STXBP3: variants seen among roughly 807,000 people sequenced by gnomAD.
STXBP3 encodes the protein syntaxin binding protein 3.
Under a neutral mutation model 85.7 loss-of-function variants are expected in STXBP3, and 41 were observed. The observed-to-expected ratio is 0.48, with a 90% CI of 0.37 to 0.62. STXBP3 has a LOEUF of 0.62. STXBP3 is among the 20% of genes least tolerant of loss of function. The probability of loss-of-function intolerance (pLI) is 0.00; values close to 1 mark genes in which losing one functional copy is unlikely to be tolerated. For missense variants in STXBP3, 563 were observed against 703.1 expected, an observed-to-expected ratio of 0.80 and a Z score of 2.25; for synonymous variants, 229 against 231.7, an observed-to-expected ratio of 0.99 and a Z score of 0.10.
intron 9 of STXBP3, 53 bp downstream of exon 9, chr1:108,779,463 T>C: frequency 6.6e-7 from 1 of 1,519,534 alleles, no homozygotes; most frequent in Non-Finnish European, 8.9e-7. Context: ...GGATAGAATA[T>C]GAGCATTTAA....
chr1:108,807,340 C>T, intron 17 of STXBP3, 61 bp from the exon 18 acceptor site: 1 of 1,518,016 alleles, frequency 6.6e-7, no homozygotes, highest in East Asian at 2.4e-5. Flanking sequence ...AGTCTACAAG[C>T]ATTATGGCTT....
chr1:108,778,915 C>G (rs1999522), intron 8 of STXBP3, among the ~76,000 whole-genome samples: 1 of 152,096 alleles, frequency 6.6e-6, no homozygotes, highest in Non-Finnish European at 1.5e-5. Context: ...CCTTCATACA[C>G]GCAGGTTTCA....
intron 1 of STXBP3, among the ~76,000 whole-genome samples, chr1:108,750,968 C>T (rs1156243349): frequency 1.3e-5 from 2 of 152,202 alleles, no homozygotes; most frequent in African/African-American, 4.8e-5. Flanking sequence ...AGCATAGGTG[C>T]TTCTATCCAC....
chr1:108,771,958 CTGTATCATATATAAATACATATGA>C (rs1662452226), intron 6 of STXBP3, among the ~76,000 whole-genome samples: 1 of 28,964 alleles, frequency 3.5e-5, no homozygotes, highest in Admixed American at 6.1e-4. Context: ...CATATGATAT[CTGTATCATATATAAATACATATGA>C]TATCTGTATC....
chr1:108,772,820 G>A lies in STXBP3; in HGVS notation c.593+1G>A, dbSNP rs148829120. The A allele has an allele frequency of 6.3e-6, 10 of 1,583,156 alleles. No individual in the cohort carries two copies. Among genetic ancestry groups the A allele is most frequent in the Non-Finnish European group, 7.7e-6 (9 of 1,162,484 alleles). ...AAAATCCCGGAGTAAGATATAAAAG[G>A]TAAGACACTGAGCATCTGCACATGT... On this transcript the variant is annotated splice_donor_variant, in intron 7 of 18. Coordinates refer to ENST00000370008, the MANE Select transcript of STXBP3 (RefSeq NM_007269.4). LOFTEE classifies it high-confidence loss of function.
chr1:108,759,208 A>C (rs930551786), intron 5 of STXBP3: 2 of 152,210 alleles, frequency 1.3e-5, no homozygotes, highest in Non-Finnish European at 2.9e-5. Context: ...CTGCTGTTAG[A>C]GATTCCTCAC....
At chr1:108,762,615 GA>G (rs1369011568) in intron 6 of STXBP3, among the ~76,000 whole-genome samples, 1 of 151,988 alleles carries the variant, frequency 6.6e-6, no homozygotes, top group Non-Finnish European at 1.5e-5. Context: ...CTTCCCATAG[GA>G]AGGGTGCCAA....
rs1379619851 is a variant in STXBP3 at position 108,809,431 on chromosome 1, C to G, written c.*554C>G. 4 of 152,436 alleles carry G rather than the reference C, an allele frequency of 2.6e-5. No individual in the cohort carries two copies. The South Asian group carries it at 8.3e-4, about 32-fold the overall frequency. The allele number at this position is 152,436 out of a possible 1,614,324, so 9.4% of individuals were successfully genotyped here. The stretch of plus-strand genomic sequence containing the variant: ...TTTTGCCACATACTTCTAAAGAACA[C>G]AATTTTATATAATTTTGAAATCATG... On this transcript the variant is annotated 3_prime_UTR_variant, in exon 19 of 19. Coordinates refer to ENST00000370008, the MANE Select transcript of STXBP3 (RefSeq NM_007269.4).
At chr1:108,780,595 C>T (rs1662696466) in intron 9 of STXBP3, 1 of 143,980 alleles carries the variant, frequency 6.9e-6, no homozygotes, top group Non-Finnish European at 1.5e-5. Flanking sequence ...TCTTGAACTC[C>T]TGACCTCAGG....
rs530644288 is a variant in STXBP3 at position 108,776,068 on chromosome 1, G to A, written c.594-265G>A. 1.1e-4 allele frequency among the ~76,000 whole-genome samples: 16 copies of A among 151,980 alleles called. No homozygotes were observed. In the South Asian group the frequency reaches 2.9e-3, roughly 28 times the overall value. On this transcript the variant is annotated intron_variant, in intron 7 of 18. Coordinates refer to ENST00000370008, the MANE Select transcript of STXBP3 (RefSeq NM_007269.4). ...ACCAGGACTTAGGAGTGGAATAAAA[G>A]GAACTGCAACTTTACATGTAATATT...
rs1359309101 is a variant in STXBP3, at chr1:108,809,280, CTG to C, written c.*405_*406del. ...ATAAAGAGATTGTAAAAGTAAAAAA[CTG>C]TAAATGTATATGTATGATAGAATTG... On this transcript the variant is annotated 3_prime_UTR_variant, in exon 19 of 19. Coordinates refer to ENST00000370008, the MANE Select transcript of STXBP3 (RefSeq NM_007269.4). 6.4e-6 allele frequency: 1 copy of C among 157,394 alleles called. No individual in the cohort carries two copies. Among genetic ancestry groups the C allele is most frequent in the East Asian group, 1.9e-4 (1 of 5,252 alleles). 9.7% of individuals were successfully genotyped at this position (157,394 alleles called of 1,614,324 possible).
At chr1:108,795,514 A>G (rs561547374) in intron 13 of STXBP3, among the ~76,000 whole-genome samples, 1 of 151,920 alleles carries the variant, frequency 6.6e-6, no homozygotes, top group Non-Finnish European at 1.5e-5. Flanking sequence ...GAAAAAAAAA[A>G]CTTTGACAAC....
rs748919000 is a variant in STXBP3 at position 108,779,272 on chromosome 1, T to C, written c.685-14T>C. ...ATTGAAGCTGCTTAAGATGATTTTA[T>C]CTTGTTATTCTAGGGTAAAACTCAT... On this transcript the variant is annotated splice_polypyrimidine_tract_variant and intron_variant, in intron 8 of 18. Transcript: ENST00000370008. 6.2e-7 allele frequency: 1 copy of C among 1,606,124 alleles called. No homozygotes were observed. The highest frequency in any genetic ancestry group is 1.1e-5 in the South Asian group (1 of 89,260).
Position 108,771,639 on chromosome 1 carries a change from A to G in STXBP3, c.439-1026A>G, listed in dbSNP as rs1454509140. Among the ~76,000 whole-genome samples the G allele has an allele frequency of 8.2e-5, 3 of 36,606 alleles. No homozygotes were observed. In the East Asian group the frequency reaches 1.3e-3, roughly 16 times the overall value. 24.0% of individuals were successfully genotyped at this position (36,606 alleles called of 152,430 possible). ...ATATATCTATATATCATATATAAAT[A>G]TATATGATATATATCTATATATATC... On this transcript the variant is annotated intron_variant, in intron 6 of 18. Coordinates refer to ENST00000370008, the MANE Select transcript of STXBP3 (RefSeq NM_007269.4).
chr1:108,795,678 A>G (rs1344920498), intron 13 of STXBP3, among the ~76,000 whole-genome samples: 1 of 152,134 alleles, frequency 6.6e-6, no homozygotes, highest in Non-Finnish European at 1.5e-5. Flanking sequence ...CAGTAGTCAT[A>G]TGTGGCTAGT....
intron 17 of STXBP3, among the ~76,000 whole-genome samples, chr1:108,803,302 C>T (rs17555247): frequency 0.075 from 11,423 of 152,168 alleles, 495 homozygotes; most frequent in African/African-American, 0.11. Context: ...TGTTATAATA[C>T]TTCATTTGTG....
intron 17 of STXBP3, among the ~76,000 whole-genome samples, chr1:108,801,370 A>G (rs1042339875): frequency 2.6e-5 from 4 of 152,116 alleles, no homozygotes; most frequent in African/African-American, 9.7e-5. Flanking sequence ...ATAATGTATT[A>G]TAGCAACTCC....
At chr1:108,806,233 G>T (rs980483390) in intron 17 of STXBP3, among the ~76,000 whole-genome samples, 4 of 152,146 alleles carry the variant, frequency 2.6e-5, no homozygotes, top group African/African-American at 9.7e-5. Flanking sequence ...TGATAGAAAG[G>T]TTCTATATTG....
rs1662476915 is a variant in STXBP3, at chr1:108,772,335, ATATATAAATACATATGATATCTGTATC to A, written c.439-329_439-303del. ...TATAAATACATATGATATCTGTATC[ATATATAAATACATATGATATCTGTATC>A]ATATATAAATACATATGATATCTGT... is the stretch of plus-strand genomic sequence containing the variant. On this transcript the variant is annotated intron_variant, in intron 6 of 18. Coordinates refer to ENST00000370008, the MANE Select transcript of STXBP3 (RefSeq NM_007269.4). 5.1e-5 allele frequency among the ~76,000 whole-genome samples: 3 copies of A among 58,494 alleles called. 1 individual carries two copies. The highest frequency in any genetic ancestry group is 1.3e-4 in the Non-Finnish European group (3 of 22,350). 38.4% of individuals were successfully genotyped at this position (58,494 alleles called of 152,430 possible).
Sources: gnomAD v4.1 joint callset for allele counts (sites outside exome capture counted in the v4.1 genomes callset) on GRCh38, gnomAD v4.1.1 for gene constraint, MANE v1.5 for transcripts, NCBI Gene and HGNC (gene_info 2026-07-23, HGNC 2026-07-21) for gene names.